NRXN1: variants seen among roughly 807,000 people sequenced by gnomAD.
The protein encoded by NRXN1 is neurexin 1.
NRXN1 carries 39 observed loss-of-function variants against 150.9 expected under a neutral mutation model. The observed-to-expected ratio is 0.26, with a 90% confidence interval of 0.20 to 0.34. The LOEUF (loss-of-function observed/expected upper bound fraction) is 0.34. Ranked by LOEUF, NRXN1 falls within the 10% of genes least tolerant of loss-of-function variation. The pLI is 1.00. For synonymous variants in NRXN1, 924 were observed against 757.0 expected (o/e 1.22, Z -3.62); for missense variants, 1,815 against 1,949.9 (o/e 0.93, Z 1.30).
At chr2:50,448,486 G>A (rs1348490412) in intron 17 of NRXN1, among the ~76,000 whole-genome samples, 1 of 152,164 alleles carries the variant, frequency 6.6e-6, no homozygotes, top group Non-Finnish European at 1.5e-5. Context: ...TAGGTGTAAT[G>A]ATTAAAGCAT....
chr2:50,198,747 G>A lies in NRXN1; in HGVS notation c.3546+38042C>T, dbSNP rs538504851. ...TAGATTATCCCTTAGTATGGATCAG[G>A]CTAAAATATTTGCTTCATGTGAGGC... On this transcript the variant is annotated intron_variant, in intron 18 of 22. Coordinates refer to ENST00000401669, the MANE Select transcript of NRXN1 (RefSeq NM_001330078.2). 2.6e-5 allele frequency among the ~76,000 whole-genome samples: 4 copies of A among 152,100 alleles called. No individual in the cohort carries two copies. The South Asian group carries it at 8.3e-4, about 32-fold the overall frequency.
At chr2:50,228,244 T>C (rs904766597) in intron 18 of NRXN1, among the ~76,000 whole-genome samples, 2 of 152,078 alleles carry the variant, frequency 1.3e-5, no homozygotes, top group African/African-American at 4.8e-5. Flanking sequence ...TCAAAGTTAA[T>C]TGTATTTAGT....
chr2:50,494,351 G>C (rs183907989), intron 15 of NRXN1, among the ~76,000 whole-genome samples: 245 of 152,152 alleles, frequency 1.6e-3, no homozygotes, highest in African/African-American at 5.6e-3. Context: ...TTGGTGACTC[G>C]ATCAGCACAC....
intron 5 of NRXN1, among the ~76,000 whole-genome samples, chr2:50,632,008 TAATG>T (rs1478671769): frequency 5.9e-5 from 9 of 152,008 alleles, no homozygotes; most frequent in Admixed American, 2.0e-4. Context: ...GGGTGCCAAT[TAATG>T]ATTACTTAAT....
chr2:50,014,100 T>TTTTTTG (rs1048559601), intron 21 of NRXN1, among the ~76,000 whole-genome samples: 28 of 151,770 alleles, frequency 1.8e-4, no homozygotes, highest in African/African-American at 6.8e-4. Context: ...AGCTTGTTTT[T>TTTTTTG]TTTTTGTTTT....
chr2:51,021,746 A>C (rs925031935), intron 2 of NRXN1, among the ~76,000 whole-genome samples: 1 of 152,054 alleles, frequency 6.6e-6, no homozygotes, highest in Non-Finnish European at 1.5e-5. Context: ...TACTAAAACT[A>C]TTAAAACTTT....
chr2:50,732,469 G>A (rs1031013704), intron 5 of NRXN1, among the ~76,000 whole-genome samples: 9 of 151,954 alleles, frequency 5.9e-5, no homozygotes, highest in East Asian at 1.9e-4. Flanking sequence ...AAAGCAATGC[G>A]GTCTGTACTT....
chr2:50,822,054 G>A (rs545725211), intron 5 of NRXN1, among the ~76,000 whole-genome samples: 1 of 151,974 alleles, frequency 6.6e-6, no homozygotes, highest in East Asian at 1.9e-4. Context: ...AGTAAATTTT[G>A]GTCTTCATTG....
rs34753485 is a variant in NRXN1, at chr2:50,499,947, C to CAAA, written c.2498-2236_2498-2234dup. Among the ~76,000 whole-genome samples the CAAA allele has an allele frequency of 4.8e-3, 422 of 87,700 alleles. 6 individuals carry two copies. The highest frequency in any genetic ancestry group is 0.015 in the African/African-American group (399 of 26,130). The allele number at this position is 87,700 out of a possible 152,430, so 57.5% of individuals were successfully genotyped here. The stretch of plus-strand genomic sequence containing the variant: ...TGGGCAACAGAGCAAGACTCCATCT[C>CAAA]AAAAAAAAAAAAAAAAAAAGTCATA... On this transcript the variant is annotated intron_variant, in intron 13 of 22. Transcript: ENST00000401669.
intron 18 of NRXN1, among the ~76,000 whole-genome samples, chr2:50,105,032 A>G (rs1222814191): frequency 6.6e-6 from 1 of 152,030 alleles, no homozygotes; most frequent in Non-Finnish European, 1.5e-5. Context: ...CAGCTAAAAC[A>G]TCAATCTAGT....
In NRXN1 at chr2:50,749,186, G is replaced by T. The variant is rs17041012; in HGVS notation, c.833-125571C>A. Among the ~76,000 whole-genome samples the T allele has an allele frequency of 6.9e-3, 1,048 of 152,064 alleles. 26 individuals are homozygous for T. The East Asian group carries it at 0.077, about 11-fold the overall frequency. On this transcript the variant is annotated intron_variant, in intron 5 of 22. Transcript: ENST00000401669. ...TTAATATACATCAGATTTTTTAAATGGTTACATTCACATATTTTATCTGAA... is the reference window on the plus strand; with the variant it reads ...TTAATATACATCAGATTTTTTAAATTGTTACATTCACATATTTTATCTGAA...
At chr2:50,920,876 T>C (rs924320834) in intron 5 of NRXN1, among the ~76,000 whole-genome samples, 1 of 151,722 alleles carries the variant, frequency 6.6e-6, no homozygotes, top group South Asian at 2.1e-4. Flanking sequence ...ACATTTAAAA[T>C]TGATATCATT....
intron 2 of NRXN1, among the ~76,000 whole-genome samples, chr2:50,978,056 G>A (rs1183831759): frequency 6.6e-6 from 1 of 150,740 alleles, no homozygotes; most frequent in Non-Finnish European, 1.5e-5. Flanking sequence ...ACATCAGTGG[G>A]CAAAATATTG....
chr2:50,762,349 A>T (rs1167812724), intron 5 of NRXN1, among the ~76,000 whole-genome samples: 1 of 151,508 alleles, frequency 6.6e-6, no homozygotes, highest in Non-Finnish European at 1.5e-5. Flanking sequence ...TTCAACTTTT[A>T]ATTTTTAATT....
rs911832200 is a variant in NRXN1, at chr2:49,938,076, A to G, written c.4216+5628T>C. On this transcript the variant is annotated intron_variant, in intron 22 of 22. Coordinates refer to ENST00000401669, the MANE Select transcript of NRXN1 (RefSeq NM_001330078.2). ...TTTAGCTTAATAGTAATACATGTAA[A>G]GAATATGACATGAAATTATTTAAAT... Among the ~76,000 whole-genome samples the G allele has an allele frequency of 4.6e-5, 7 of 152,218 alleles. 1 individual carries two copies. The highest frequency in any genetic ancestry group is 3.3e-4 in the Admixed American group (5 of 15,278).
At chr2:50,591,075 A>G (rs956623034) in intron 8 of NRXN1, among the ~76,000 whole-genome samples, 6 of 152,316 alleles carry the variant, frequency 3.9e-5, no homozygotes, top group Non-Finnish European at 7.3e-5. Flanking sequence ...GCTGCAAAGA[A>G]AAAAGAAAGT....
chr2:50,922,792 G>C, intron 3 of NRXN1, 105 bp from the exon 4 acceptor site: 2 of 1,115,400 alleles, frequency 1.8e-6, no homozygotes, highest in South Asian at 2.6e-5. Context: ...CTTTTCCTAT[G>C]AGACATGTCT....
intron 8 of NRXN1, among the ~76,000 whole-genome samples, chr2:50,602,067 T>C (rs906198985): frequency 1.4e-4 from 22 of 152,210 alleles, no homozygotes; most frequent in African/African-American, 5.1e-4. Context: ...TAAATAAGAC[T>C]AAATGATCTC....
At position 51,027,906 on chromosome 2, in the gene NRXN1, A is replaced by G; in HGVS notation, c.368T>C (p.Phe123Ser). Residue 123 changes from phenylalanine to serine, a missense_variant, in exon 2 of 23, where the codon TTC (phenylalanine) becomes TCC (serine). Coordinates refer to ENST00000401669, the MANE Select transcript of NRXN1 (RefSeq NM_001330078.2). ...GTCGATGAAGAGCGTGGTGTTGCGG[A>G]ACTGGCGGCGGATGCGCACGCTGTG... is the stretch of plus-strand genomic sequence containing the variant. ...AWHSVRIRRQ[F>S]RNTTLFIDQV... 1.2e-6 allele frequency: 2 copies of G among 1,609,572 alleles called. No homozygotes were observed. The highest frequency in any genetic ancestry group is 1.7e-5 in the Admixed American group (1 of 60,018).
Sources: gnomAD v4.1 joint callset for allele counts (sites outside exome capture counted in the v4.1 genomes callset) on GRCh38, gnomAD v4.1.1 for gene constraint, MANE v1.5 for transcripts, NCBI Gene and HGNC (gene_info 2026-07-23, HGNC 2026-07-21) for gene names.